FARSB: variants seen among roughly 807,000 people sequenced by gnomAD.
The protein encoded by FARSB is phenylalanine--tRNA ligase beta subunit.
In FARSB, 40 loss-of-function variants were observed where a neutral mutation model predicts 69.6. The ratio of observed to expected loss-of-function variants is 0.57; its 90% CI spans 0.45 to 0.75. FARSB has a LOEUF of 0.75. Among genes scored for constraint, FARSB ranks in the 30% least tolerant of loss-of-function variants. FARSB has a pLI of 0.00. For synonymous variants in FARSB, 235 were observed against 247.2 expected, an observed-to-expected ratio of 0.95 and a Z score of 0.46; for missense variants, 632 against 722.9, an observed-to-expected ratio of 0.87 and a Z score of 1.44.
intron 1 of FARSB, 129 bp downstream of exon 1, chr2:222,655,887 C>T: frequency 1.4e-6 from 1 of 726,086 alleles, no homozygotes; most frequent in Non-Finnish European, 2.4e-6. Context: ...ATCGGCCTTC[C>T]CGCGTAAACC....
intron 16 of FARSB, among the ~76,000 whole-genome samples, chr2:222,591,055 A>G (rs555994497): frequency 1.3e-5 from 2 of 152,054 alleles, no homozygotes; most frequent in East Asian, 3.9e-4. Flanking sequence ...AAAATAAAAG[A>G]ATTAGCTGGG....
chr2:222,587,096 C>G (rs1690135318), intron 16 of FARSB, among the ~76,000 whole-genome samples: 1 of 152,180 alleles, frequency 6.6e-6, no homozygotes, highest in Non-Finnish European at 1.5e-5. Context: ...AAACTGACCA[C>G]ATAGTTGGAA....
chr2:222,604,485 CT>C (rs1288192771), intron 15 of FARSB, among the ~76,000 whole-genome samples: 1 of 152,180 alleles, frequency 6.6e-6, no homozygotes, highest in Non-Finnish European at 1.5e-5. Context: ...TCAAGGCGCT[CT>C]ATTCTAGATA....
At chr2:222,618,896 G>A (rs1416156094) in intron 14 of FARSB, among the ~76,000 whole-genome samples, 1 of 152,112 alleles carries the variant, frequency 6.6e-6, no homozygotes, top group Non-Finnish European at 1.5e-5. Context: ...CAGCACTTTG[G>A]GAGGCTGAGG....
intron 5 of FARSB, among the ~76,000 whole-genome samples, chr2:222,636,157 AGCACTTTG>A (rs1276438736): frequency 6.6e-6 from 1 of 151,984 alleles, no homozygotes; most frequent in Non-Finnish European, 1.5e-5. Context: ...CTGTAATCCC[AGCACTTTG>A]GGAGGCCGAG....
At chr2:222,587,053 C>T (rs1382237561) in intron 16 of FARSB, among the ~76,000 whole-genome samples, 1 of 152,218 alleles carries the variant, frequency 6.6e-6, no homozygotes, top group Non-Finnish European at 1.5e-5. Context: ...ACAGAATATA[C>T]ATTCTTCTCA....
chr2:222,616,201 G>C (rs1179965802), intron 14 of FARSB, among the ~76,000 whole-genome samples: 2 of 152,132 alleles, frequency 1.3e-5, no homozygotes, highest in African/African-American at 4.8e-5. Context: ...GGAAGGATGA[G>C]AGGTGCAAGT....
At chr2:222,573,336 G>C (rs1339265002) in intron 16 of FARSB, among the ~76,000 whole-genome samples, 1 of 152,112 alleles carries the variant, frequency 6.6e-6, no homozygotes, top group African/African-American at 2.4e-5. Flanking sequence ...AAACAATTCT[G>C]CCTCACTGTC....
At chr2:222,584,209 T>C (rs534131878) in intron 16 of FARSB, among the ~76,000 whole-genome samples, 3 of 152,190 alleles carry the variant, frequency 2.0e-5, no homozygotes, top group African/African-American at 7.2e-5. Flanking sequence ...TCTCAAACAG[T>C]TCAGAAAAAA....
chr2:222,646,218 A>G (rs1691851769), intron 2 of FARSB, among the ~76,000 whole-genome samples: 1 of 152,130 alleles, frequency 6.6e-6, no homozygotes, highest in African/African-American at 2.4e-5. Context: ...GTGGGAGGAG[A>G]GTCACTACAG....
At chr2:222,655,061 G>A (rs144693812) in intron 1 of FARSB, among the ~76,000 whole-genome samples, 38 of 152,324 alleles carry the variant, frequency 2.5e-4, no homozygotes, top group Non-Finnish European at 4.6e-4. Context: ...ACTCGGGCGC[G>A]ATGGCGGACG....
At chr2:222,578,570 T>C (rs1374719631) in intron 16 of FARSB, among the ~76,000 whole-genome samples, 2 of 152,236 alleles carry the variant, frequency 1.3e-5, no homozygotes, top group East Asian at 3.8e-4. Context: ...CCGGGCACGG[T>C]GGCTCACGCC....
chr2:222,599,939 T>C lies in FARSB; in HGVS notation c.1607A>G (p.Lys536Arg). Residue 536 changes from lysine to arginine, a missense_variant, in exon 16 of 17, where the codon AAA becomes AGA. Coordinates refer to ENST00000281828, the MANE Select transcript of FARSB (RefSeq NM_005687.5). ...CTCATCTGTCTTACCTTCTGATGCT[T>C]TGATCACATATCCCCCCTTGTCTTC... is the stretch of plus-strand genomic sequence containing the variant. The part of the protein sequence containing the change: ...PGEDKGGYVI[K>R]ASEGPAFFPG... 6.3e-7 allele frequency: 1 copy of C among 1,598,272 alleles called. No individual in the cohort carries two copies. The highest frequency in any genetic ancestry group is 8.5e-7 in the Non-Finnish European group (1 of 1,176,144).
chr2:222,573,631 A>T (rs1052875307), intron 16 of FARSB, among the ~76,000 whole-genome samples: 1 of 152,160 alleles, frequency 6.6e-6, no homozygotes, highest in Admixed American at 6.6e-5. Flanking sequence ...AAAATCTTCA[A>T]ATGACATGTA....
chr2:222,591,585 T>A (rs1435755827), intron 16 of FARSB, among the ~76,000 whole-genome samples: 1 of 152,232 alleles, frequency 6.6e-6, no homozygotes, highest in Non-Finnish European at 1.5e-5. Flanking sequence ...TGCCTAATCA[T>A]CTTTGCTGTA....
chr2:222,632,033 T>G (rs1370951197), intron 7 of FARSB, among the ~76,000 whole-genome samples: 1 of 139,504 alleles, frequency 7.2e-6, no homozygotes, highest in Admixed American at 7.0e-5. Flanking sequence ...GATGGTGCAA[T>G]GGCACGACAT....
At chr2:222,654,348 T>A (rs1264095184) in intron 1 of FARSB, among the ~76,000 whole-genome samples, 1 of 152,232 alleles carries the variant, frequency 6.6e-6, no homozygotes, top group East Asian at 1.9e-4. Flanking sequence ...ATTTAAAGTA[T>A]TCCATAAAAT....
At chr2:222,602,741 T>C (rs1690595915) in intron 15 of FARSB, among the ~76,000 whole-genome samples, 1 of 152,134 alleles carries the variant, frequency 6.6e-6, no homozygotes, top group African/African-American at 2.4e-5. Context: ...AGAAGTGATA[T>C]CTTTATGATG....
intron 15 of FARSB, among the ~76,000 whole-genome samples, chr2:222,602,892 T>G (rs116413338): frequency 5.8e-4 from 89 of 152,246 alleles, no homozygotes; most frequent in Admixed American, 1.4e-3. Context: ...TGTTTTGTGC[T>G]ATTATAACAT....
Sources: gnomAD v4.1 joint callset for allele counts (sites outside exome capture counted in the v4.1 genomes callset) on GRCh38, gnomAD v4.1.1 for gene constraint, MANE v1.5 for transcripts, NCBI Gene and HGNC (gene_info 2026-07-23, HGNC 2026-07-21) for gene names.